NRXN3: variants seen among roughly 807,000 people sequenced by gnomAD.
The protein encoded by NRXN3 is neurexin III.
NRXN3 carries 32 observed loss-of-function variants against 137.6 expected under a neutral mutation model. The ratio of observed to expected loss-of-function variants is 0.23; its 90% confidence interval spans 0.18 to 0.31. The LOEUF (loss-of-function observed/expected upper bound fraction) is 0.31, where lower values mean the gene tolerates loss of function less well. Among genes scored for constraint, NRXN3 ranks in the 10% least tolerant of loss-of-function variants. The pLI is 1.00. For missense variants in NRXN3, 1,574 were observed against 2,062.5 expected, an observed-to-expected ratio of 0.76 and a Z score of 4.59; for synonymous variants, 798 against 784.5, an observed-to-expected ratio of 1.02 and a Z score of -0.29.
intron 16 of NRXN3, among the ~76,000 whole-genome samples, chr14:79,521,647 A>G (rs565345410): frequency 1.3e-5 from 2 of 152,262 alleles, no homozygotes; most frequent in South Asian, 4.1e-4. Context: ...ACTCCTAGCA[A>G]TCAGATAATT....
At chr14:79,815,343 AT>A (rs1216134722) in intron 20 of NRXN3, among the ~76,000 whole-genome samples, 1 of 152,224 alleles carries the variant, frequency 6.6e-6, no homozygotes, top group African/African-American at 2.4e-5. Flanking sequence ...TAGATTAAAG[AT>A]TATTCAATAG....
At chr14:78,968,418 C>T (rs1390658258) in intron 14 of NRXN3, 72 bp downstream of exon 14, 43 of 1,421,398 alleles carry the variant, frequency 3.0e-5, no homozygotes, top group Middle Eastern at 2.1e-4. Flanking sequence ...GCCTCTGCCA[C>T]TGCCTCCTTC....
intron 16 of NRXN3, among the ~76,000 whole-genome samples, chr14:79,637,197 T>G (rs1171059740): frequency 6.6e-6 from 1 of 152,216 alleles, no homozygotes; most frequent in Non-Finnish European, 1.5e-5. Flanking sequence ...TAATAATGTT[T>G]ACTTCATAGA....
intron 16 of NRXN3, among the ~76,000 whole-genome samples, chr14:79,516,107 C>G (rs1054476739): frequency 1.4e-4 from 22 of 152,154 alleles, no homozygotes; most frequent in Non-Finnish European, 4.4e-5. Flanking sequence ...GGCTCTTTTC[C>G]TCTGGGGCAC....
intron 4 of NRXN3, among the ~76,000 whole-genome samples, chr14:78,355,204 A>G: frequency 6.6e-6 from 1 of 152,160 alleles, no homozygotes; most frequent in Non-Finnish European, 1.5e-5. Context: ...CCCCTGCCAA[A>G]GTTTCCAAAA....
chr14:79,519,891 T>A (rs1175189925), intron 16 of NRXN3, among the ~76,000 whole-genome samples: 1 of 151,888 alleles, frequency 6.6e-6, no homozygotes, highest in African/African-American at 2.4e-5. Flanking sequence ...AGTCTTTAAG[T>A]GTACTGTTTG....
chr14:78,411,397 G>A (rs8007953), intron 4 of NRXN3, among the ~76,000 whole-genome samples: 65,265 of 151,984 alleles, frequency 0.43, 14,301 homozygotes, highest in Middle Eastern at 0.59. Flanking sequence ...GGCCCTGGGT[G>A]AGGGCCATTT....
At position 78,700,696 on chromosome 14, in the gene NRXN3, G is replaced by T. The variant is rs2098269582; in HGVS notation, c.1222-8521G>T. ...TGTGAAAATGATAAAGCTTGAAAGAGCAAGCCTGTGATAGACTGTGATAGA... is the reference window on the plus strand; with the variant it reads ...TGTGAAAATGATAAAGCTTGAAAGATCAAGCCTGTGATAGACTGTGATAGA... On this transcript the variant is annotated intron_variant, in intron 6 of 20. Coordinates refer to ENST00000335750, the MANE Select transcript of NRXN3 (RefSeq NM_001330195.2). 2.0e-5 allele frequency among the ~76,000 whole-genome samples: 3 copies of T among 152,148 alleles called. No individual in the cohort carries two copies. The South Asian group carries it at 6.2e-4, about 32-fold the overall frequency.
intron 17 of NRXN3, among the ~76,000 whole-genome samples, chr14:79,674,328 G>GTA (rs1422854993): frequency 6.6e-6 from 1 of 151,878 alleles, no homozygotes; most frequent in Non-Finnish European, 1.5e-5. Flanking sequence ...ACTTTGATGA[G>GTA]TTTAGACATG....
chr14:78,989,275 C>T (rs1409407564), intron 15 of NRXN3, among the ~76,000 whole-genome samples: 1 of 152,140 alleles, frequency 6.6e-6, no homozygotes, highest in Non-Finnish European at 1.5e-5. Flanking sequence ...CAATGCTATG[C>T]CCCCCAGATC....
chr14:78,681,613 A>T (rs2098076481), intron 6 of NRXN3, among the ~76,000 whole-genome samples: 1 of 152,202 alleles, frequency 6.6e-6, no homozygotes, highest in Non-Finnish European at 1.5e-5. Context: ...ATGAATTTTC[A>T]GAGGGGAATG....
intron 20 of NRXN3, among the ~76,000 whole-genome samples, chr14:79,858,972 C>A (rs1169773400): frequency 4.4e-4 from 39 of 88,612 alleles, no homozygotes; most frequent in African/African-American, 1.5e-3. Flanking sequence ...TATATGTTCA[C>A]AATGTAAAAA....
chr14:79,370,313 G>T (rs182583750), intron 15 of NRXN3, among the ~76,000 whole-genome samples: 1,713 of 111,340 alleles, frequency 0.015, 15 homozygotes, highest in Non-Finnish European at 0.023. Context: ...GTTTTTTTGG[G>T]TTTTTTTTTG....
chr14:79,833,425 G>A (rs11849483), intron 20 of NRXN3, among the ~76,000 whole-genome samples: 3,799 of 152,012 alleles, frequency 0.025, 152 homozygotes, highest in African/African-American at 0.084. Flanking sequence ...CCTTTGCCTC[G>A]TAGGTATATA....
chr14:78,333,565 G>A (rs766230330), intron 4 of NRXN3, among the ~76,000 whole-genome samples: 2 of 152,128 alleles, frequency 1.3e-5, no homozygotes, highest in African/African-American at 4.8e-5. Context: ...AAATAGATCC[G>A]AGAAAGGGGG....
intron 15 of NRXN3, among the ~76,000 whole-genome samples, chr14:79,084,314 A>G (rs2047652420): frequency 6.6e-6 from 1 of 152,190 alleles, no homozygotes; most frequent in Non-Finnish European, 1.5e-5. Flanking sequence ...AGAACTATAC[A>G]CCAGAAGGAA....
At chr14:78,239,667 G>A (rs1233816264) in intron 1 of NRXN3, among the ~76,000 whole-genome samples, 1 of 151,512 alleles carries the variant, frequency 6.6e-6, no homozygotes, top group Non-Finnish European at 1.5e-5. Flanking sequence ...TACTTACATG[G>A]CTGATTCCCT....
intron 8 of NRXN3, among the ~76,000 whole-genome samples, chr14:78,715,365 A>C (rs1041684049): frequency 9.2e-5 from 14 of 152,204 alleles, no homozygotes; most frequent in Admixed American, 1.3e-4. Flanking sequence ...TATTACTGTG[A>C]TTATGATACT....
chr14:79,034,388 GA>G (rs1302437041), intron 15 of NRXN3, among the ~76,000 whole-genome samples: 6 of 149,446 alleles, frequency 4.0e-5, no homozygotes, highest in South Asian at 4.2e-4. Context: ...AGGTTTTTTG[GA>G]AAAAAAACAT....
Sources: gnomAD v4.1 joint callset for allele counts (sites outside exome capture counted in the v4.1 genomes callset) on GRCh38, gnomAD v4.1.1 for gene constraint, MANE v1.5 for transcripts, NCBI Gene and HGNC (gene_info 2026-07-23, HGNC 2026-07-21) for gene names.